HDAC9: variants seen among roughly 807,000 people sequenced by gnomAD.
The protein encoded by HDAC9 is MEF-2 interacting transcription repressor (MITR) protein.
A neutral mutation model predicts 139.4 loss-of-function variants in HDAC9; 41 were observed. That is an observed-to-expected ratio of 0.29 (90% CI 0.23 to 0.38). The LOEUF is 0.38. HDAC9 is among the 10% of genes least tolerant of loss of function. The pLI is 1.00. For synonymous variants in HDAC9, 517 were observed against 476.2 expected (o/e 1.09, Z -1.12); for missense variants, 1,147 against 1,297.0 (o/e 0.88, Z 1.78).
chr7:18,920,977 T>C (rs1471164718), intron 22 of HDAC9, among the ~76,000 whole-genome samples: 1 of 152,044 alleles, frequency 6.6e-6, no homozygotes, highest in African/African-American at 2.4e-5. Context: ...AAACAAGCAA[T>C]GGGGAAAGGA....
chr7:18,561,147 A>G (rs979170603), intron 2 of HDAC9, among the ~76,000 whole-genome samples: 11 of 152,216 alleles, frequency 7.2e-5, no homozygotes, highest in African/African-American at 2.7e-4. Context: ...CTTGATTAAA[A>G]GAAGTCAGTT....
chr7:18,285,604 A>AT (rs564446048), upstream of HDAC9, among the ~76,000 whole-genome samples: 303 of 152,212 alleles, frequency 2.0e-3, 4 homozygotes, highest in Admixed American at 0.016. Context: ...TGTTTTTCAC[A>AT]TCATGTGCTT....
chr7:18,604,574 T>TA (rs34209277), intron 6 of HDAC9, among the ~76,000 whole-genome samples: 7 of 151,450 alleles, frequency 4.6e-5, no homozygotes, highest in Non-Finnish European at 5.9e-5. Context: ...TTTTTTTTTT[T>TA]AATTTTTAGT....
intron 6 of HDAC9, among the ~76,000 whole-genome samples, chr7:18,616,365 T>C (rs915621034): frequency 6.6e-6 from 1 of 152,160 alleles, no homozygotes; most frequent in African/African-American, 2.4e-5. Flanking sequence ...TTTACTATTT[T>C]ATGTGAAATT....
intron 22 of HDAC9, among the ~76,000 whole-genome samples, chr7:18,901,189 G>C (rs934700436): frequency 1.4e-5 from 2 of 142,330 alleles, no homozygotes; most frequent in Admixed American, 7.1e-5. Context: ...TTCTCTCTCT[G>C]TATATATACT....
At chr7:18,990,210 G>T (rs1785765232) in intron 25 of HDAC9, among the ~76,000 whole-genome samples, 1 of 152,150 alleles carries the variant, frequency 6.6e-6, no homozygotes, top group Non-Finnish European at 1.5e-5. Flanking sequence ...CTTTGATGAT[G>T]GTGATGTACA....
rs181655690 is a variant in HDAC9 at position 18,147,651 on chromosome 7, A to G, written c.-96-14578A>G. ...TCAGGACTCATTTTTTTTTTAAGCAATAAGGCATTTAAAATATAGTTGAAG... is the reference window on the plus strand; with the variant it reads ...TCAGGACTCATTTTTTTTTTAAGCAGTAAGGCATTTAAAATATAGTTGAAG... On this transcript the variant is annotated intron_variant, in intron 1 of 12. Transcript: ENST00000417496. Among the ~76,000 whole-genome samples, 266 of 151,928 alleles carry G rather than the reference A, an allele frequency of 1.8e-3. 2 individuals carry two copies. The highest frequency in any genetic ancestry group is 2.7e-3 in the Non-Finnish European group (181 of 67,942).
chr7:18,330,747 C>A (rs1449855762), intron 1 of HDAC9, among the ~76,000 whole-genome samples: 2 of 151,658 alleles, frequency 1.3e-5, no homozygotes, highest in Non-Finnish European at 3.0e-5. Flanking sequence ...AAAATAGAAA[C>A]TGCTGACAGT....
At chr7:18,729,985 CTAAGT>C (rs1785902358) in intron 13 of HDAC9, among the ~76,000 whole-genome samples, 1 of 152,098 alleles carries the variant, frequency 6.6e-6, no homozygotes, top group Non-Finnish European at 1.5e-5. Flanking sequence ...TAAAGGATAG[CTAAGT>C]TATTTACAAG....
chr7:18,334,046 A>G (rs1441253483), intron 1 of HDAC9, among the ~76,000 whole-genome samples: 1 of 151,378 alleles, frequency 6.6e-6, no homozygotes, highest in Non-Finnish European at 1.5e-5. Flanking sequence ...AAAGGGAAAA[A>G]CTGGAGAAAT....
rs369808436 is a variant in HDAC9, at chr7:18,804,005, A to C, written c.2322+10553A>C. Among the ~76,000 whole-genome samples, 17 of 152,338 alleles carry C rather than the reference A, an allele frequency of 1.1e-4. No homozygotes were observed. The South Asian group carries it at 1.7e-3, about 15-fold the overall frequency. On this transcript the variant is annotated intron_variant, in intron 17 of 25. Transcript: ENST00000686413. Reference sequence around the variant, plus strand: ...AGGGAAATTAGGTTTCCTGCTGAAGAGCAATGATAAAGAGATAAACAAATG... The same window carrying C: ...AGGGAAATTAGGTTTCCTGCTGAAGCGCAATGATAAAGAGATAAACAAATG...
At chr7:18,931,999 A>G (rs1202810065) in intron 22 of HDAC9, among the ~76,000 whole-genome samples, 1 of 152,184 alleles carries the variant, frequency 6.6e-6, no homozygotes, top group Non-Finnish European at 1.5e-5. Context: ...TTAGTTAATA[A>G]TAATGCATCG....
intron 2 of HDAC9, among the ~76,000 whole-genome samples, chr7:18,560,496 C>G (rs1280707307): frequency 6.6e-6 from 1 of 152,136 alleles, no homozygotes; most frequent in East Asian, 1.9e-4. Flanking sequence ...GCTTGGTTTC[C>G]TGCATATACT....
intron 14 of HDAC9, among the ~76,000 whole-genome samples, chr7:18,761,181 G>A (rs1301796815): frequency 6.6e-6 from 1 of 152,186 alleles, no homozygotes; most frequent in East Asian, 1.9e-4. Flanking sequence ...TCGTGCACCA[G>A]CACAATATTT....
chr7:18,172,318 C>T lies in HDAC9; in HGVS notation c.25+9969C>T, dbSNP rs978078555. ...ATATCCCCTTAATCATTTTTGATTG[C>T]GTCTATTTGATTCTTCTCTCTTTCC... On this transcript the variant is annotated intron_variant, in intron 2 of 12. Coordinates refer to the HDAC9 transcript ENST00000417496. Among the ~76,000 whole-genome samples, 6 of 152,040 alleles carry T rather than the reference C, an allele frequency of 3.9e-5. No homozygotes were observed. In the South Asian group the frequency reaches 6.2e-4, roughly 16 times the overall value.
At chr7:18,919,380 A>G (rs566131824) in intron 22 of HDAC9, among the ~76,000 whole-genome samples, 1 of 152,156 alleles carries the variant, frequency 6.6e-6, no homozygotes, top group Non-Finnish European at 1.5e-5. Flanking sequence ...GAGAGCCAGG[A>G]CACAAGTCCA....
At position 18,666,415 on chromosome 7, in the gene HDAC9, G is replaced by T; in HGVS notation, c.1670G>T (p.Ser557Ile). Residue 557 changes from serine (S) to isoleucine (I), a missense_variant, in exon 12 of 26, where the codon AGT becomes ATT. Physicochemically the swap from Ser to Ile is moderately radical, Grantham distance 142. Transcript: ENST00000686413. ...AVKVKEEPVDSDEDAQIQEME... is the reference protein window; with the variant it reads ...AVKVKEEPVDIDEDAQIQEME... Reference sequence around the variant, plus strand: ...AAGGTCAAGGAGGAACCAGTGGACAGTGATGAAGATGCTCAGATCCAGGAA... The same window carrying T: ...AAGGTCAAGGAGGAACCAGTGGACATTGATGAAGATGCTCAGATCCAGGAA... The T allele has an allele frequency of 6.2e-7, 1 of 1,612,918 alleles. No individual in the cohort carries two copies. The highest frequency in any genetic ancestry group is 8.5e-7 in the Non-Finnish European group (1 of 1,179,418).
intron 1 of HDAC9, among the ~76,000 whole-genome samples, chr7:18,447,074 A>G (rs181169319): frequency 1.3e-4 from 20 of 152,322 alleles, no homozygotes; most frequent in African/African-American, 4.3e-4. Context: ...TCAACCCTAA[A>G]AATAAGATAG....
At chr7:18,902,813 C>G (rs752624573) in intron 22 of HDAC9, among the ~76,000 whole-genome samples, 2 of 152,290 alleles carry the variant, frequency 1.3e-5, no homozygotes, top group East Asian at 1.9e-4. Context: ...AAATTTCACA[C>G]TATTTATAAG....
Sources: allele counts gnomAD v4.1 joint callset (sites outside exome capture counted in the v4.1 genomes callset), GRCh38; gene constraint gnomAD v4.1.1; transcripts MANE v1.5; gene names NCBI Gene and HGNC (gene_info 2026-07-23, HGNC 2026-07-21).